Variants in CDH12 observed in about 807,000 individuals in gnomAD.
CDH12 encodes the protein cadherin-12.
In CDH12, 41 loss-of-function variants were observed where a neutral mutation model predicts 74.1. The ratio of observed to expected loss-of-function variants is 0.55; its 90% CI spans 0.43 to 0.72. The LOEUF (loss-of-function observed/expected upper bound fraction) is 0.72, where lower values mean the gene tolerates loss of function less well. CDH12 is among the 30% of genes least tolerant of loss of function. The pLI is 0.00. For missense variants in CDH12, 945 were observed against 977.2 expected (o/e 0.97, Z 0.44); for synonymous variants, 399 against 355.0 (o/e 1.12, Z -1.39).
chr5:22,617,827 T>C (rs1186874049), intron 1 of CDH12, among the ~76,000 whole-genome samples: 1 of 152,140 alleles, frequency 6.6e-6, no homozygotes, highest in East Asian at 1.9e-4. Flanking sequence ...ATGAGTTTTC[T>C]AAAGACTTCT....
chr5:22,211,556 AAAG>A (rs1751543683), intron 4 of CDH12, among the ~76,000 whole-genome samples: 1 of 152,006 alleles, frequency 6.6e-6, no homozygotes, highest in Non-Finnish European at 1.5e-5. Flanking sequence ...GTAAGGTAGA[AAAG>A]AAAAAGTTCA....
chr5:22,724,255 G>T lies in CDH12; in HGVS notation c.-523+128803C>A, dbSNP rs112793060. Among the ~76,000 whole-genome samples, 798 of 136,858 alleles carry T rather than the reference G, an allele frequency of 5.8e-3. 7 individuals are homozygous for T. The highest frequency in any genetic ancestry group is 0.019 in the African/African-American group (757 of 40,156). 89.8% of individuals were successfully genotyped at this position (136,858 alleles called of 152,430 possible). On this transcript the variant is annotated intron_variant, in intron 1 of 14. Transcript: ENST00000382254. ...TTTTTAAAATTTTTTAATTTCAATT[G>T]TTTTTGGGGTACAGGTGAGTTTGTG...
chr5:22,460,039 A>G (rs1745438093), intron 2 of CDH12, among the ~76,000 whole-genome samples: 1 of 152,188 alleles, frequency 6.6e-6, no homozygotes, highest in South Asian at 2.1e-4. Context: ...CTAAATTAAT[A>G]AGTGAATGGC....
chr5:22,132,179 TG>T (rs1212109575), intron 4 of CDH12, among the ~76,000 whole-genome samples: 1 of 151,958 alleles, frequency 6.6e-6, no homozygotes, highest in Non-Finnish European at 1.5e-5. Context: ...TGATTGGAAG[TG>T]CTACAACCTC....
chr5:21,820,636 A>T (rs1459109739), intron 8 of CDH12, among the ~76,000 whole-genome samples: 1 of 152,054 alleles, frequency 6.6e-6, no homozygotes, highest in East Asian at 1.9e-4. Context: ...CAGAATATGG[A>T]ACAAGTCAGA....
intron 1 of CDH12, among the ~76,000 whole-genome samples, chr5:22,667,193 T>A (rs1740668701): frequency 6.6e-6 from 1 of 152,212 alleles, no homozygotes; most frequent in East Asian, 1.9e-4. Flanking sequence ...CTTCTTTAAT[T>A]TCTGCATTCT....
chr5:22,385,410 G>T (rs1178776503), intron 3 of CDH12, among the ~76,000 whole-genome samples: 1 of 151,972 alleles, frequency 6.6e-6, no homozygotes, highest in East Asian at 1.9e-4. Context: ...CCAGATTTTT[G>T]ACCTCCCTTT....
At chr5:22,794,432 C>T (rs1422040812) in intron 1 of CDH12, among the ~76,000 whole-genome samples, 4 of 152,158 alleles carry the variant, frequency 2.6e-5, no homozygotes, top group African/African-American at 9.7e-5. Context: ...ATGTGACCTG[C>T]CAACTCTGAC....
At chr5:22,783,108 A>C (rs1216630073) in intron 1 of CDH12, among the ~76,000 whole-genome samples, 1 of 152,176 alleles carries the variant, frequency 6.6e-6, no homozygotes, top group Non-Finnish European at 1.5e-5. Context: ...TGGTAATTTC[A>C]ATATCATATG....
At chr5:22,762,640 T>A (rs1746287854) in intron 1 of CDH12, among the ~76,000 whole-genome samples, 1 of 152,064 alleles carries the variant, frequency 6.6e-6, no homozygotes, top group African/African-American at 2.4e-5. Flanking sequence ...GATCGTTGGG[T>A]CAAATTGACT....
rs138587334 is a variant in CDH12 at position 22,168,308 on chromosome 5, A to T, written c.-187+44190T>A. 6.8e-3 allele frequency among the ~76,000 whole-genome samples: 1,036 copies of T among 152,120 alleles called. 20 individuals carry two copies. The highest frequency in any genetic ancestry group is 0.023 in the African/African-American group (970 of 41,530). The stretch of plus-strand genomic sequence containing the variant: ...TCCCCTCTTCCGTTATTACACTACT[A>T]GTCCCCTCTAAACCCACTGACACTG... On this transcript the variant is annotated intron_variant, in intron 4 of 14. Coordinates refer to ENST00000382254, the MANE Select transcript of CDH12 (RefSeq NM_004061.5).
chr5:22,077,482 C>T (rs1369803403), intron 5 of CDH12, among the ~76,000 whole-genome samples: 1 of 152,092 alleles, frequency 6.6e-6, no homozygotes, highest in African/African-American at 2.4e-5. Context: ...CATTTCCAAA[C>T]ACTCTTCCTA....
intron 4 of CDH12, among the ~76,000 whole-genome samples, chr5:22,170,004 G>T (rs1281599935): frequency 1.3e-5 from 2 of 151,662 alleles, no homozygotes; most frequent in African/African-American, 4.8e-5. Context: ...ATGCCTAATT[G>T]AAATAAACCA....
chr5:22,524,252 G>T (rs561172732), intron 1 of CDH12, among the ~76,000 whole-genome samples: 2 of 152,240 alleles, frequency 1.3e-5, no homozygotes, highest in South Asian at 4.1e-4. Context: ...CTTCCAAAGT[G>T]CTGGGATTAT....
intron 5 of CDH12, among the ~76,000 whole-genome samples, chr5:22,054,114 T>G (rs942576763): frequency 1.3e-5 from 2 of 152,058 alleles, no homozygotes; most frequent in Non-Finnish European, 2.9e-5. Flanking sequence ...TCAAGGGCAT[T>G]TTTTAGTGCT....
At chr5:21,984,856 A>T (rs1186947819) in intron 5 of CDH12, among the ~76,000 whole-genome samples, 1 of 152,206 alleles carries the variant, frequency 6.6e-6, no homozygotes, top group Non-Finnish European at 1.5e-5. Flanking sequence ...TCATATATGG[A>T]TGATTTGCAA....
At chr5:22,238,516 A>G (rs1469009127) in intron 3 of CDH12, among the ~76,000 whole-genome samples, 5 of 152,206 alleles carry the variant, frequency 3.3e-5, no homozygotes, top group Admixed American at 2.0e-4. Flanking sequence ...AAGCAAGTAA[A>G]GTTGTGGAAG....
At chr5:22,390,175 AC>A (rs541066426) in intron 3 of CDH12, among the ~76,000 whole-genome samples, 247 of 152,052 alleles carry the variant, frequency 1.6e-3, no homozygotes, top group African/African-American at 5.7e-3. Flanking sequence ...AAAAACTCTT[AC>A]TCCTGGAGGA....
At chr5:22,434,682 C>A (rs192524416) in intron 2 of CDH12, among the ~76,000 whole-genome samples, 204 of 152,212 alleles carry the variant, frequency 1.3e-3, no homozygotes, top group African/African-American at 4.7e-3. Context: ...AATGCAGGGG[C>A]TATTATGTAA....
Sources: gnomAD v4.1 joint callset for allele counts (sites outside exome capture counted in the v4.1 genomes callset) on GRCh38, gnomAD v4.1.1 for gene constraint, MANE v1.5 for transcripts, NCBI Gene and HGNC (gene_info 2026-07-23, HGNC 2026-07-21) for gene names.